Variants in LRP1B observed in about 807,000 individuals in gnomAD.
The protein encoded by LRP1B is low-density lipoprotein receptor-related protein 1B.
LRP1B carries 217 observed loss-of-function variants against 556.6 expected under a neutral mutation model. The ratio of observed to expected loss-of-function variants is 0.39; its 90% CI spans 0.35 to 0.44. The LOEUF (loss-of-function observed/expected upper bound fraction) is 0.44. Ranked by LOEUF, LRP1B falls within the 20% of genes least tolerant of loss-of-function variation. LRP1B has a pLI of 1.00. For missense variants in LRP1B, 5,053 were observed against 5,620.8 expected, an observed-to-expected ratio of 0.90 and a Z score of 3.23; for synonymous variants, 2,047 against 1,865.8, an observed-to-expected ratio of 1.10 and a Z score of -2.50.
In LRP1B at chr2:141,954,961, G is replaced by A. The variant is rs138568752; in HGVS notation, c.83-144560C>T. Among the ~76,000 whole-genome samples the A allele has an allele frequency of 1.3e-3, 202 of 152,160 alleles. 1 individual carries two copies. Among genetic ancestry groups the A allele is most frequent in the African/African-American group, 4.7e-3 (194 of 41,544 alleles). On this transcript the variant is annotated intron_variant, in intron 1 of 90. Coordinates refer to ENST00000389484, the MANE Select transcript of LRP1B (RefSeq NM_018557.3). ...AGCTATAAAGAATAACAAAATGATC[G>A]TCGGTGTTCCCATTGCCCAAATAAA...
Position 141,329,658 on chromosome 2 carries a change from A to ACAAAACAAACAAAC in LRP1B, c.344-75018_344-75017insGTTTGTTTGTTTTG, listed in dbSNP as rs1389533740. ...GACTCTGTCTCAAAAAAAAAAAAAA[A>ACAAAACAAACAAAC]AAAAAAACTATCTCTCTCTCTATCT... On this transcript the variant is annotated intron_variant, in intron 3 of 90. Transcript: ENST00000389484. Among the ~76,000 whole-genome samples the ACAAAACAAACAAAC allele has an allele frequency of 1.2e-4, 16 of 138,658 alleles. 1 individual carries two copies. Among genetic ancestry groups the ACAAAACAAACAAAC allele is most frequent in the African/African-American group, 5.0e-4 (15 of 30,296 alleles). 91.0% of individuals were successfully genotyped at this position (138,658 alleles called of 152,430 possible). A position where few individuals can be genotyped will look rare whatever the true frequency, so the allele number is the denominator to read the frequency against.
intron 2 of LRP1B, among the ~76,000 whole-genome samples, chr2:141,739,934 C>T (rs1693633875): frequency 6.6e-6 from 1 of 151,858 alleles, no homozygotes; most frequent in South Asian, 2.1e-4. Context: ...ATCATTATGA[C>T]AACATTCCTA....
chr2:141,043,921 T>C (rs1267179722), intron 11 of LRP1B, among the ~76,000 whole-genome samples: 1 of 151,886 alleles, frequency 6.6e-6, no homozygotes, highest in East Asian at 1.9e-4. Context: ...AAAAACTACT[T>C]TAAAGTTCAT....
chr2:141,730,386 C>T (rs1283764375), intron 2 of LRP1B, among the ~76,000 whole-genome samples: 1 of 152,098 alleles, frequency 6.6e-6, no homozygotes, highest in Non-Finnish European at 1.5e-5. Context: ...GAGACGTCCA[C>T]AGATTTGAAT....
At chr2:140,274,050 C>T (rs1440144489) in intron 85 of LRP1B, among the ~76,000 whole-genome samples, 4 of 151,982 alleles carry the variant, frequency 2.6e-5, no homozygotes, top group Admixed American at 6.6e-5. Context: ...AGCAAACCTA[C>T]TTATTGTCAA....
chr2:141,365,916 G>A (rs989832931), intron 3 of LRP1B, among the ~76,000 whole-genome samples: 8 of 151,880 alleles, frequency 5.3e-5, no homozygotes, highest in East Asian at 1.9e-4. Context: ...CTTGTGACCC[G>A]CCCACCTCAG....
chr2:140,972,497 A>G (rs1334412644), intron 18 of LRP1B, among the ~76,000 whole-genome samples: 1 of 152,198 alleles, frequency 6.6e-6, no homozygotes, highest in African/African-American at 2.4e-5. Context: ...TTATCTTCCT[A>G]TGGAGACAAA....
At chr2:140,909,571 T>TATAAACTTTTGCATTAACATC (rs1694355756) in intron 21 of LRP1B, among the ~76,000 whole-genome samples, 1 of 151,314 alleles carries the variant, frequency 6.6e-6, no homozygotes, top group Non-Finnish European at 1.5e-5. Flanking sequence ...AGAGAAACAT[T>TATAAACTTTTGCATTAACATC]ATAAACTTTT....
At chr2:141,107,131 A>G (rs7557732) in intron 7 of LRP1B, among the ~76,000 whole-genome samples, 54,366 of 151,602 alleles carry the variant, frequency 0.36, 10,165 homozygotes, top group East Asian at 0.66. Flanking sequence ...TATGTGATTT[A>G]TAAAAAAAAT....
chr2:140,442,532 A>G lies in LRP1B; in HGVS notation c.10386T>C (p.Cys3462=), dbSNP rs1315854248. The G allele has an allele frequency of 6.2e-7, 1 of 1,613,926 alleles. No individual in the cohort carries two copies. The highest frequency in any genetic ancestry group is 1.7e-5 in the Admixed American group (1 of 60,002). ...AGTTGGCCTCGTCTGATGCATCTGC[A>G]CAGTCTGGATCCTCGTCACAAACCC... ...KLWVCDEDPD[C]ADASDEANCD... The change falls in exon 66 of 91, where the codon TGT becomes TGC. Residue 3462 remains cysteine, a synonymous_variant. Transcript: ENST00000389484.
intron 2 of LRP1B, among the ~76,000 whole-genome samples, chr2:141,565,999 A>G (rs1480367853): frequency 6.6e-6 from 1 of 152,072 alleles, no homozygotes; most frequent in Non-Finnish European, 1.5e-5. Flanking sequence ...GAGAGGTTGT[A>G]ACTTGCCTAA....
intron 41 of LRP1B, among the ~76,000 whole-genome samples, chr2:140,682,049 C>A (rs1050181193): frequency 1.2e-4 from 19 of 152,094 alleles, no homozygotes; most frequent in Non-Finnish European, 2.6e-4. Context: ...ATGTAAGATG[C>A]ATGTTTGTTG....
chr2:141,966,754 T>C (rs1701577325), intron 1 of LRP1B, among the ~76,000 whole-genome samples: 1 of 151,798 alleles, frequency 6.6e-6, no homozygotes, highest in South Asian at 2.1e-4. Flanking sequence ...ACTATACTTC[T>C]GTCATACTGT....
chr2:141,116,467 C>T (rs1407029687), intron 7 of LRP1B, among the ~76,000 whole-genome samples: 2 of 152,012 alleles, frequency 1.3e-5, no homozygotes, highest in Non-Finnish European at 2.9e-5. Flanking sequence ...TTCTAATAGC[C>T]ATATAATCAT....
rs544733812 is a variant in LRP1B, at chr2:140,376,475, T to C, written c.10638+1705A>G. ...GATGAGTTTAATTAAAATGTGTTTTTCTGCCTTAGAAAAGTTTAATGTAAT... is the reference window on the plus strand; with the variant it reads ...GATGAGTTTAATTAAAATGTGTTTTCCTGCCTTAGAAAAGTTTAATGTAAT... On this transcript the variant is annotated intron_variant, in intron 68 of 90. Coordinates refer to ENST00000389484, the MANE Select transcript of LRP1B (RefSeq NM_018557.3). Among the ~76,000 whole-genome samples, 22 of 152,324 alleles carry C rather than the reference T, an allele frequency of 1.4e-4. No individual in the cohort carries two copies. The South Asian group carries it at 4.6e-3, about 32-fold the overall frequency.
intron 20 of LRP1B, among the ~76,000 whole-genome samples, chr2:140,945,296 C>T (rs1559209982): frequency 6.6e-6 from 1 of 152,148 alleles, no homozygotes; most frequent in Admixed American, 6.6e-5. Flanking sequence ...CTGCACATAG[C>T]AATCCACAGA....
chr2:141,420,900 T>C (rs1680110536), intron 3 of LRP1B, among the ~76,000 whole-genome samples: 1 of 152,198 alleles, frequency 6.6e-6, no homozygotes, highest in Non-Finnish European at 1.5e-5. Flanking sequence ...GTTGGGTGCT[T>C]GGTGCACTCT....
At chr2:140,526,125 G>T in intron 48 of LRP1B, 112 bp downstream of exon 48, 1 of 1,344,324 alleles carries the variant, frequency 7.4e-7, no homozygotes, top group Non-Finnish European at 1.0e-6. Context: ...CACACAACAG[G>T]GGTTAATTAC....
At chr2:141,065,757 A>G (rs990327086) in intron 7 of LRP1B, among the ~76,000 whole-genome samples, 1 of 151,850 alleles carries the variant, frequency 6.6e-6, no homozygotes, top group Admixed American at 6.6e-5. Context: ...TTGGAATCCC[A>G]TTCATTCCAC....
Sources: gnomAD v4.1 joint callset for allele counts (sites outside exome capture counted in the v4.1 genomes callset) on GRCh38, gnomAD v4.1.1 for gene constraint, MANE v1.5 for transcripts, NCBI Gene and HGNC (gene_info 2026-07-23, HGNC 2026-07-21) for gene names.